AGBL1: variants seen among roughly 807,000 people sequenced by gnomAD.
AGBL1 encodes AGBL carboxypeptidase 1.
In AGBL1, 130 loss-of-function variants were observed where a neutral mutation model predicts 118.9. The observed-to-expected ratio is 1.09, with a 90% CI of 0.95 to 1.26. AGBL1 has a LOEUF of 1.26. Ranked by LOEUF, AGBL1 falls within the 50% of genes most tolerant of loss-of-function variation. The pLI is 0.00. For synonymous variants in AGBL1, 555 were observed against 478.9 expected, an observed-to-expected ratio of 1.16 and a Z score of -2.08; for missense variants, 1,584 against 1,298.1, an observed-to-expected ratio of 1.22 and a Z score of -3.38.
intron 18 of AGBL1, among the ~76,000 whole-genome samples, chr15:86,415,012 G>T (rs117316846): frequency 6.6e-6 from 1 of 152,274 alleles, no homozygotes; most frequent in African/African-American, 2.4e-5. Flanking sequence ...ACACCTATGA[G>T]AGCGTAAGGG....
chr15:86,640,337 A>T (rs2085170351), intron 21 of AGBL1, among the ~76,000 whole-genome samples: 2 of 152,322 alleles, frequency 1.3e-5, no homozygotes, highest in South Asian at 4.1e-4. Flanking sequence ...ACACTTTCTG[A>T]TTGGAAGAGC....
chr15:86,744,716 C>T (rs1243565742), intron 22 of AGBL1, among the ~76,000 whole-genome samples: 2 of 152,116 alleles, frequency 1.3e-5, no homozygotes, highest in Admixed American at 1.3e-4. Context: ...AGTCCTGAGA[C>T]TAATATGGGA....
intron 5 of AGBL1, among the ~76,000 whole-genome samples, chr15:86,174,111 T>C (rs1462403249): frequency 6.6e-6 from 1 of 152,178 alleles, no homozygotes; most frequent in Non-Finnish European, 1.5e-5. Context: ...TTTGTTTGTG[T>C]CCTTTTCAAT....
chr15:86,130,343 G>A (rs927920158), intron 1 of AGBL1, among the ~76,000 whole-genome samples: 4 of 151,890 alleles, frequency 2.6e-5, no homozygotes, highest in East Asian at 1.9e-4. Context: ...ATTATTATAC[G>A]TTAAGCATGA....
At chr15:86,336,695 C>T (rs917150261) in intron 17 of AGBL1, among the ~76,000 whole-genome samples, 18 of 152,242 alleles carry the variant, frequency 1.2e-4, no homozygotes, top group Non-Finnish European at 2.4e-4. Flanking sequence ...AAGCAAGACA[C>T]TGCCCATTTT....
intron 21 of AGBL1, among the ~76,000 whole-genome samples, chr15:86,558,337 C>T (rs1470511215): frequency 2.0e-5 from 3 of 152,160 alleles, no homozygotes; most frequent in Non-Finnish European, 4.4e-5. Flanking sequence ...TACCTGCAGC[C>T]TACATCCAAT....
intron 19 of AGBL1, among the ~76,000 whole-genome samples, chr15:86,544,568 C>T (rs568764715): frequency 2.0e-5 from 3 of 152,228 alleles, no homozygotes; most frequent in South Asian, 4.1e-4. Context: ...GGGGCAAAGT[C>T]ACATCTTACA....
At position 86,541,537 on chromosome 15, in the gene AGBL1, G is replaced by A. The variant is rs148325527; in HGVS notation, c.2686-4465G>A. On this transcript the variant is annotated intron_variant, in intron 19 of 22. Transcript: ENST00000614907. ...AGCCCAGGATCTCGAAGGTTGCAGT[G>A]AGCCATGATTGCACCACTGCATTCT... 5.6e-3 allele frequency among the ~76,000 whole-genome samples: 812 copies of A among 144,400 alleles called. 4 individuals are homozygous for A. Among genetic ancestry groups the A allele is most frequent in the Admixed American group, 9.2e-3 (126 of 13,730 alleles). 94.7% of individuals were successfully genotyped at this position (144,400 alleles called of 152,430 possible).
At chr15:86,697,980 A>G (rs11631489) in intron 22 of AGBL1, among the ~76,000 whole-genome samples, 70,021 of 151,650 alleles carry the variant, frequency 0.46, 16,760 homozygotes, top group East Asian at 0.75. Flanking sequence ...CAAAGAGTCT[A>G]TGAATTTTCT....
At chr15:86,239,010 G>A (rs2078599870) in intron 6 of AGBL1, among the ~76,000 whole-genome samples, 1 of 151,994 alleles carries the variant, frequency 6.6e-6, no homozygotes, top group South Asian at 2.1e-4. Flanking sequence ...GAGGGTGGGG[G>A]AAGAGCAGAG....
intron 22 of AGBL1, among the ~76,000 whole-genome samples, chr15:86,851,614 T>G (rs961273961): frequency 2.0e-5 from 3 of 152,212 alleles, no homozygotes; most frequent in Non-Finnish European, 4.4e-5. Flanking sequence ...ATCTGACTCA[T>G]GAAACCCGCA....
At chr15:86,277,649 T>C (rs1325898222) in intron 15 of AGBL1, among the ~76,000 whole-genome samples, 1 of 152,226 alleles carries the variant, frequency 6.6e-6, no homozygotes, top group Non-Finnish European at 1.5e-5. Flanking sequence ...AGTGTACTAA[T>C]AGTGCAGTGG....
intron 18 of AGBL1, among the ~76,000 whole-genome samples, chr15:86,521,955 G>A (rs1332416469): frequency 6.6e-6 from 1 of 152,062 alleles, no homozygotes; most frequent in Non-Finnish European, 1.5e-5. Context: ...ACCTTAGCAG[G>A]ACTACTGGGA....
chr15:86,769,294 T>A (rs761400691), intron 22 of AGBL1, among the ~76,000 whole-genome samples: 7 of 151,874 alleles, frequency 4.6e-5, no homozygotes, highest in East Asian at 2.0e-4. Context: ...GGAAAAGGAA[T>A]GAGAGTTCTG....
intron 21 of AGBL1, among the ~76,000 whole-genome samples, chr15:86,638,126 T>G (rs549936574): frequency 1.3e-5 from 2 of 152,174 alleles, no homozygotes; most frequent in Admixed American, 6.5e-5. Flanking sequence ...GAACTGCTCC[T>G]GCCCTTTTGA....
chr15:86,688,690 T>A (rs1247022225), intron 22 of AGBL1, among the ~76,000 whole-genome samples: 2 of 152,162 alleles, frequency 1.3e-5, no homozygotes, highest in Non-Finnish European at 2.9e-5. Flanking sequence ...AACCTGATTT[T>A]ATTATAGCTT....
intron 20 of AGBL1, 142 bp from the exon 21 acceptor site, chr15:86,554,219 G>T: frequency 1.4e-6 from 1 of 723,304 alleles, no homozygotes; most frequent in African/African-American, 1.9e-5. Flanking sequence ...AAAAGTGATA[G>T]CCATTTCTTA....
At chr15:86,291,041 T>C (rs1020701712) in intron 16 of AGBL1, among the ~76,000 whole-genome samples, 5 of 152,160 alleles carry the variant, frequency 3.3e-5, no homozygotes, top group African/African-American at 1.2e-4. Flanking sequence ...TATGGCTGCA[T>C]AGTATTCCAT....
chr15:86,744,341 G>T (rs1462606505), intron 22 of AGBL1, among the ~76,000 whole-genome samples: 1 of 152,032 alleles, frequency 6.6e-6, no homozygotes, highest in Non-Finnish European at 1.5e-5. Flanking sequence ...TGCCTTTATT[G>T]TTTGTCCCGG....
Sources: allele counts gnomAD v4.1 joint callset (sites outside exome capture counted in the v4.1 genomes callset), GRCh38; gene constraint gnomAD v4.1.1; transcripts MANE v1.5; gene names NCBI Gene and HGNC (gene_info 2026-07-23, HGNC 2026-07-21).